Variants in KIF21A observed in about 807,000 individuals in gnomAD.
The protein encoded by KIF21A is kinesin-like protein KIF21A.
A neutral mutation model predicts 202.9 loss-of-function variants in KIF21A; 114 were observed. The ratio of observed to expected loss-of-function variants is 0.56; its 90% CI spans 0.48 to 0.66. The LOEUF (loss-of-function observed/expected upper bound fraction) is 0.66, where lower values mean the gene tolerates loss of function less well. Ranked by LOEUF, KIF21A falls within the 30% of genes least tolerant of loss-of-function variation. The pLI is 0.00. For synonymous variants in KIF21A, 667 were observed against 670.8 expected (o/e 0.99, Z 0.09); for missense variants, 1,677 against 1,994.9 (o/e 0.84, Z 3.04).
intron 27 of KIF21A, among the ~76,000 whole-genome samples, chr12:39,320,652 G>C (rs1338962952): frequency 6.6e-6 from 1 of 150,742 alleles, no homozygotes; most frequent in East Asian, 1.9e-4. Flanking sequence ...AAAAAAGTCT[G>C]GGCCAGGCAT....
At chr12:39,384,754 T>C (rs550412265) in intron 1 of KIF21A, among the ~76,000 whole-genome samples, 1 of 152,302 alleles carries the variant, frequency 6.6e-6, no homozygotes, top group African/African-American at 2.4e-5. Flanking sequence ...CTCAAAGTCT[T>C]ACCAGGCTAA....
chr12:39,403,869 T>A (rs1295106098), intron 1 of KIF21A, among the ~76,000 whole-genome samples: 1 of 152,182 alleles, frequency 6.6e-6, no homozygotes, highest in Non-Finnish European at 1.5e-5. Flanking sequence ...TAATGAAAAT[T>A]AAGTTAATGT....
chr12:39,332,988 G>C lies in KIF21A; in HGVS notation c.2607C>G (p.Val869=). The C allele has an allele frequency of 1.2e-6, 2 of 1,614,018 alleles. No individual in the cohort carries two copies. The highest frequency in any genetic ancestry group is 3.3e-4 in the Middle Eastern group (2 of 6,062). Residue 869 remains valine (V), a synonymous_variant, in exon 19 of 38, where the codon GTC becomes GTG. Coordinates refer to ENST00000361418, the MANE Select transcript of KIF21A (RefSeq NM_001173464.2). The part of the protein sequence containing the change: ...AQDTGSSAAA[V]ETDASRTGAQ... ...CTCCTGTCCTTGATGCATCTGTTTCGACAGCAGCTGCACTGGAACCTGTGT... is the reference window on the plus strand; with the variant it reads ...CTCCTGTCCTTGATGCATCTGTTTCCACAGCAGCTGCACTGGAACCTGTGT...
intron 5 of KIF21A, among the ~76,000 whole-genome samples, 161 bp from the exon 6 acceptor site, chr12:39,366,678 A>T (rs929082602): frequency 2.0e-5 from 3 of 152,360 alleles, no homozygotes; most frequent in Admixed American, 6.5e-5. Flanking sequence ...TAGAAATTTA[A>T]AGTCAGAAAA....
chr12:39,301,700 T>A lies in KIF21A; in HGVS notation c.4732-21A>T, dbSNP rs747820507. On this transcript the variant is annotated intron_variant, in intron 36 of 37. Transcript: ENST00000361418. ...ACTTGCTAAAAGAAAAAAAGTGAAATCAGCAGCTTAAGGAGAGCTTCCAAA... is the reference window on the plus strand; with the variant it reads ...ACTTGCTAAAAGAAAAAAAGTGAAAACAGCAGCTTAAGGAGAGCTTCCAAA... 31 of 1,605,204 alleles carry A rather than the reference T, an allele frequency of 1.9e-5. 1 individual carries two copies. The South Asian group carries it at 3.4e-4, about 18-fold the overall frequency.
At chr12:39,382,610 T>C (rs1226184801) in intron 1 of KIF21A, among the ~76,000 whole-genome samples, 1 of 152,222 alleles carries the variant, frequency 6.6e-6, no homozygotes, top group Non-Finnish European at 1.5e-5. Flanking sequence ...AAATTATTTT[T>C]ATAGTGTATT....
At position 39,294,334 on chromosome 12, in the gene KIF21A, G is replaced by A. The variant is rs577030645; in HGVS notation, c.*90C>T. On this transcript the variant is annotated 3_prime_UTR_variant, in exon 38 of 38. Coordinates refer to ENST00000361418, the MANE Select transcript of KIF21A (RefSeq NM_001173464.2). ...ATTTTCCAGTTAATCCGATTCATAC[G>A]TTTTGCCTAGTAAGTACAGGACAAC... 3 of 906,982 alleles carry A rather than the reference G, an allele frequency of 3.3e-6. No individual in the cohort carries two copies. The highest frequency in any genetic ancestry group is 1.3e-5 in the South Asian group (1 of 74,274). The allele number at this position is 906,982 out of a possible 1,614,324, so 56.2% of individuals were successfully genotyped here.
intron 22 of KIF21A, 129 bp from the exon 23 acceptor site, chr12:39,331,040 C>A (rs1044195515): frequency 6.2e-5 from 53 of 858,860 alleles, no homozygotes; most frequent in Non-Finnish European, 9.6e-5. Flanking sequence ...CATCCCAGCT[C>A]CTCCAGTAAC....
At chr12:39,391,047 T>C (rs1436128569) in intron 1 of KIF21A, among the ~76,000 whole-genome samples, 4 of 152,144 alleles carry the variant, frequency 2.6e-5, no homozygotes, top group Non-Finnish European at 5.9e-5. Context: ...ATTAAAATAA[T>C]TGAGTGTAAT....
intron 17 of KIF21A, among the ~76,000 whole-genome samples, chr12:39,336,079 G>A (rs1417896623): frequency 6.6e-6 from 1 of 152,090 alleles, no homozygotes; most frequent in East Asian, 1.9e-4. Flanking sequence ...AAGGGAAAAA[G>A]TGATGGCCTC....
At chr12:39,431,451 G>A (rs555100941) in intron 1 of KIF21A, among the ~76,000 whole-genome samples, 1 of 152,304 alleles carries the variant, frequency 6.6e-6, no homozygotes, top group Non-Finnish European at 1.5e-5. Context: ...GGAAGGCTAT[G>A]ATCCTAAAAG....
At chr12:39,371,305 A>T (rs1158505731) in intron 1 of KIF21A, among the ~76,000 whole-genome samples, 4 of 152,160 alleles carry the variant, frequency 2.6e-5, no homozygotes, top group Non-Finnish European at 4.4e-5. Context: ...TCTTCTCTCC[A>T]AAACTTAGTG....
Position 39,385,553 on chromosome 12 carries a change from G to A in KIF21A, c.45-15292C>T, listed in dbSNP as rs73086883. ...TTACTAAGTAATTTAAATATCCTTA[G>A]TTTAAAAACAAATATATTTATAGAA... On this transcript the variant is annotated intron_variant, in intron 1 of 37. Transcript: ENST00000361418. Among the ~76,000 whole-genome samples the A allele has an allele frequency of 7.0e-3, 1,073 of 152,234 alleles. 5 individuals are homozygous for A. Among genetic ancestry groups the A allele is most frequent in the Non-Finnish European group, 0.012 (789 of 67,998 alleles).
chr12:39,358,555 A>G (rs1310506320), intron 7 of KIF21A, among the ~76,000 whole-genome samples, 182 bp from the exon 8 acceptor site: 1 of 152,212 alleles, frequency 6.6e-6, no homozygotes, highest in Non-Finnish European at 1.5e-5. Context: ...TACTTTGGGG[A>G]AATAAATTGA....
At chr12:39,319,871 TAC>T in intron 28 of KIF21A, 33 bp downstream of exon 28, 2 of 1,202,884 alleles carry the variant, frequency 1.7e-6, no homozygotes, top group South Asian at 2.5e-5. Context: ...AGGCATTTAA[TAC>T]AGTCTAGCAG....
Position 39,356,912 on chromosome 12 carries a change from G to A in KIF21A, c.1406-17C>T. The A allele has an allele frequency of 8.6e-7, 1 of 1,159,074 alleles. No homozygotes were observed. The highest frequency in any genetic ancestry group is 1.3e-6 in the Non-Finnish European group (1 of 777,108). The allele number at this position is 1,159,074 out of a possible 1,614,324, so 71.8% of individuals were successfully genotyped here. Reference sequence around the variant, plus strand: ...TTCCTTCACCTGAAAGACAAAATATGAAATAAAAATTTTCCTTTAAATTAA... The same window carrying A: ...TTCCTTCACCTGAAAGACAAAATATAAAATAAAAATTTTCCTTTAAATTAA... On this transcript the variant is annotated splice_polypyrimidine_tract_variant and intron_variant, in intron 9 of 37. Coordinates refer to ENST00000361418, the MANE Select transcript of KIF21A (RefSeq NM_001173464.2).
At chr12:39,410,843 G>T (rs1355687524) in intron 1 of KIF21A, among the ~76,000 whole-genome samples, 1 of 152,084 alleles carries the variant, frequency 6.6e-6, no homozygotes, top group African/African-American at 2.4e-5. Flanking sequence ...AAATAAGAGA[G>T]CCCTCTCTCT....
At chr12:39,410,362 C>A (rs1408069266) in intron 1 of KIF21A, among the ~76,000 whole-genome samples, 3 of 151,838 alleles carry the variant, frequency 2.0e-5, no homozygotes, top group Middle Eastern at 3.4e-3. Context: ...GAAACTAATA[C>A]AAGGATCAAT....
intron 1 of KIF21A, among the ~76,000 whole-genome samples, chr12:39,410,397 T>A (rs1281128403): frequency 6.6e-6 from 1 of 152,132 alleles, no homozygotes; most frequent in East Asian, 1.9e-4. Flanking sequence ...TGAAACTCAG[T>A]TTATCTCCAC....
Sources: allele counts gnomAD v4.1 joint callset (sites outside exome capture counted in the v4.1 genomes callset), GRCh38; gene constraint gnomAD v4.1.1; transcripts MANE v1.5; gene names NCBI Gene and HGNC (gene_info 2026-07-23, HGNC 2026-07-21).